MYRIP: variants seen among roughly 807,000 people sequenced by gnomAD.
The protein encoded by MYRIP is myosin VIIA and Rab interacting protein, also known as rab effector MyRIP.
Under a neutral mutation model 98.0 loss-of-function variants are expected in MYRIP, and 49 were observed. The observed-to-expected ratio is 0.50, with a 90% CI of 0.40 to 0.63. The LOEUF is 0.63. MYRIP is among the 30% of genes least tolerant of loss of function. The pLI, the probability that MYRIP is intolerant of heterozygous loss-of-function variation, is 0.00. For missense variants in MYRIP, 1,004 were observed against 1,058.2 expected, an observed-to-expected ratio of 0.95 and a Z score of 0.71; for synonymous variants, 404 against 409.5, an observed-to-expected ratio of 0.99 and a Z score of 0.16.
intron 16 of MYRIP, among the ~76,000 whole-genome samples, chr3:40,253,296 A>G (rs1293931315): frequency 2.0e-5 from 3 of 152,216 alleles, no homozygotes; most frequent in Non-Finnish European, 2.9e-5. Flanking sequence ...TATGTTCAAC[A>G]GCCGCGGTAT....
At chr3:39,947,282 TAAAAG>T (rs1944924162) in intron 2 of MYRIP, among the ~76,000 whole-genome samples, 1 of 151,234 alleles carries the variant, frequency 6.6e-6, no homozygotes, top group South Asian at 2.1e-4. Flanking sequence ...CTTGGGGTAA[TAAAAG>T]AAAGAAATTA....
intron 2 of MYRIP, among the ~76,000 whole-genome samples, chr3:39,957,094 A>T (rs1945185744): frequency 1.3e-5 from 2 of 151,794 alleles, no homozygotes; most frequent in African/African-American, 4.9e-5. Flanking sequence ...GAATTCTACC[A>T]GAGGTACAAA....
Position 39,935,579 on chromosome 3 carries a change from T to G in MYRIP, c.110+34653T>G, listed in dbSNP as rs113839289. On this transcript the variant is annotated intron_variant, in intron 2 of 16. Coordinates refer to ENST00000302541, the MANE Select transcript of MYRIP (RefSeq NM_015460.4). ...ATGGGAATTTCTTCTCATCATTACTTTGGAAATTTGCATACTTCCCCAAAT... is the reference window on the plus strand; with the variant it reads ...ATGGGAATTTCTTCTCATCATTACTGTGGAAATTTGCATACTTCCCCAAAT... Among the ~76,000 whole-genome samples the G allele has an allele frequency of 2.3e-3, 354 of 152,234 alleles. 2 individuals carry two copies. Among genetic ancestry groups the G allele is most frequent in the Middle Eastern group, 0.01 (3 of 294 alleles).
At chr3:40,175,053 A>G (rs1559434722) in intron 8 of MYRIP, among the ~76,000 whole-genome samples, 1 of 152,204 alleles carries the variant, frequency 6.6e-6, no homozygotes, top group Non-Finnish European at 1.5e-5. Context: ...AGGCAGGAGA[A>G]TGGCATGAAC....
intron 1 of MYRIP, among the ~76,000 whole-genome samples, chr3:39,831,812 ACACT>A (rs1302539660): frequency 6.6e-6 from 1 of 152,230 alleles, no homozygotes; most frequent in African/African-American, 2.4e-5. Flanking sequence ...TATGTTTTAC[ACACT>A]CAATAGCCAC....
intron 1 of MYRIP, among the ~76,000 whole-genome samples, chr3:39,823,369 A>G (rs993785459): frequency 6.6e-6 from 1 of 152,208 alleles, no homozygotes; most frequent in African/African-American, 2.4e-5. Flanking sequence ...CCAGTAGCCC[A>G]GTAGTGAGAT....
intron 6 of MYRIP, 73 bp from the exon 7 acceptor site, chr3:40,167,086 C>T (rs1575591025): frequency 3.4e-6 from 5 of 1,487,072 alleles, no homozygotes; most frequent in South Asian, 2.3e-5. Flanking sequence ...GTGGTCAGGA[C>T]TCTCCTGGCA....
chr3:39,901,700 G>A (rs1943747216), intron 2 of MYRIP, among the ~76,000 whole-genome samples: 1 of 152,110 alleles, frequency 6.6e-6, no homozygotes, highest in African/African-American at 2.4e-5. Context: ...TAGACACTAA[G>A]CAAAAACCTG....
chr3:39,817,680 T>C (rs1383082900), intron 1 of MYRIP, among the ~76,000 whole-genome samples: 2 of 152,216 alleles, frequency 1.3e-5, no homozygotes, highest in African/African-American at 2.4e-5. Context: ...GAATCTAGAA[T>C]GTATTTTATA....
At chr3:40,213,498 T>G (rs1472569493) in intron 11 of MYRIP, among the ~76,000 whole-genome samples, 1 of 152,180 alleles carries the variant, frequency 6.6e-6, no homozygotes, top group Admixed American at 6.5e-5. Flanking sequence ...TGCTCCTTGA[T>G]GCTATGCAGA....
chr3:39,892,006 C>T (rs891637313), intron 1 of MYRIP, among the ~76,000 whole-genome samples: 2 of 151,900 alleles, frequency 1.3e-5, no homozygotes, highest in African/African-American at 4.8e-5. Flanking sequence ...ACAAATACAT[C>T]TCTCTTTGTA....
At chr3:39,856,203 G>A (rs531102534) in intron 1 of MYRIP, among the ~76,000 whole-genome samples, 1 of 152,198 alleles carries the variant, frequency 6.6e-6, no homozygotes, top group Non-Finnish European at 1.5e-5. Flanking sequence ...GCAGTGGTGT[G>A]CCACTTCTTT....
chr3:40,165,963 GT>G (rs1236581380), intron 5 of MYRIP, among the ~76,000 whole-genome samples: 1 of 152,054 alleles, frequency 6.6e-6, no homozygotes, highest in East Asian at 1.9e-4. Flanking sequence ...TGTACCTTGG[GT>G]GAGTTATTTA....
At chr3:40,152,590 T>C (rs796099286) in intron 4 of MYRIP, among the ~76,000 whole-genome samples, 2 of 152,296 alleles carry the variant, frequency 1.3e-5, no homozygotes, top group African/African-American at 4.8e-5. Flanking sequence ...AGAATAAATA[T>C]CTGCCCTGAT....
intron 1 of MYRIP, among the ~76,000 whole-genome samples, chr3:39,880,409 T>C (rs1559507385): frequency 6.6e-6 from 1 of 152,250 alleles, no homozygotes; most frequent in Non-Finnish European, 1.5e-5. Context: ...TGATGTTGTA[T>C]AAAAAATGAT....
intron 3 of MYRIP, among the ~76,000 whole-genome samples, chr3:40,084,327 A>AATACACATCTAT (rs1553612173): frequency 6.0e-4 from 45 of 75,620 alleles, no homozygotes; most frequent in African/African-American, 2.2e-3. Context: ...ATATATCGAT[A>AATACACATCTAT]GATAATACAC....
At chr3:39,906,791 A>G (rs1227203016) in intron 2 of MYRIP, among the ~76,000 whole-genome samples, 4 of 152,212 alleles carry the variant, frequency 2.6e-5, no homozygotes, top group Admixed American at 6.5e-5. Context: ...TGCACCAGGT[A>G]CTGTTGGACA....
intron 3 of MYRIP, among the ~76,000 whole-genome samples, chr3:40,108,675 C>T (rs569369895): frequency 6.6e-6 from 1 of 152,268 alleles, no homozygotes; most frequent in Admixed American, 6.5e-5. Context: ...ACCAGCAAAG[C>T]AACCCTTTGA....
At position 39,852,868 on chromosome 3, in the gene MYRIP, C is replaced by T. The variant is rs1458061810; in HGVS notation, c.-31+42952C>T. On this transcript the variant is annotated intron_variant, in intron 1 of 16. Coordinates refer to ENST00000302541, the MANE Select transcript of MYRIP (RefSeq NM_015460.4). ...AGATCTTGGCTCACTGCAACCTCTG[C>T]CTTCTGGGTTCAAGCGATTCTCCTG... 2.0e-5 allele frequency among the ~76,000 whole-genome samples: 3 copies of T among 152,200 alleles called. No individual in the cohort carries two copies. In the East Asian group the frequency reaches 5.8e-4, roughly 29 times the overall value.
Sources: gnomAD v4.1 joint callset for allele counts (sites outside exome capture counted in the v4.1 genomes callset) on GRCh38, gnomAD v4.1.1 for gene constraint, MANE v1.5 for transcripts, NCBI Gene and HGNC (gene_info 2026-07-23, HGNC 2026-07-21) for gene names.